C3orf49: variants seen among roughly 807,000 people sequenced by gnomAD.
C3orf49 encodes the protein putative uncharacterized protein C3orf49.
Under a neutral mutation model 13.3 loss-of-function variants are expected in C3orf49, and 27 were observed. That is an observed-to-expected ratio of 2.02 (90% CI 1.49 to 2.79). C3orf49 has a LOEUF of 2.79. Among genes scored for constraint, C3orf49 ranks in the 30% most tolerant of loss-of-function variants. The probability of loss-of-function intolerance (pLI) is 0.00; values close to 1 mark genes in which losing one functional copy is unlikely to be tolerated. For synonymous variants in C3orf49, 87 were observed against 47.6 expected, an observed-to-expected ratio of 1.83 and a Z score of -3.40; for missense variants, 242 against 134.2, an observed-to-expected ratio of 1.80 and a Z score of -3.97.
At chr3:63,793,277 T>G in the C3orf49 span, among the ~76,000 whole-genome samples, 1 of 152,272 alleles carries the variant, frequency 6.6e-6, no homozygotes, top group East Asian at 1.9e-4. Context: ...GACATATCCA[T>G]CATACCTCAC....
chr3:63,834,321 G>T, intron 5 of C3orf49: 1 of 876,578 alleles, frequency 1.1e-6, no homozygotes, highest in Non-Finnish European at 1.7e-6. Flanking sequence ...ATGGCTACTA[G>T]TTGAATCAAA....
chr3:63,825,934 T>G (rs549394132), intron 2 of C3orf49, among the ~76,000 whole-genome samples: 2 of 152,220 alleles, frequency 1.3e-5, no homozygotes, highest in African/African-American at 4.8e-5. Context: ...ACAACTAAAT[T>G]GAGATCTGAA....
chr3:63,828,286 G>T (rs1701491626), intron 3 of C3orf49, among the ~76,000 whole-genome samples: 1 of 152,138 alleles, frequency 6.6e-6, no homozygotes, highest in Admixed American at 6.5e-5. Flanking sequence ...CCATAGGTAT[G>T]CATGGGTTTT....
upstream of C3orf49, among the ~76,000 whole-genome samples, chr3:63,814,461 C>G (rs1306995636): frequency 6.6e-6 from 1 of 151,986 alleles, no homozygotes; most frequent in African/African-American, 2.4e-5. Context: ...CAATCAATTG[C>G]TATCTCAATA....
chr3:63,783,666 C>G, the C3orf49 span, among the ~76,000 whole-genome samples: 1 of 151,118 alleles, frequency 6.6e-6, no homozygotes, highest in African/African-American at 2.4e-5. Context: ...TGCAGTAGGC[C>G]GAGACTGTGC....
intron 2 of C3orf49, among the ~76,000 whole-genome samples, 197 bp downstream of exon 2, chr3:63,823,766 TTGTGTGTG>T (rs55765936): frequency 0.014 from 1,704 of 123,034 alleles, 30 homozygotes; most frequent in African/African-American, 0.035. Context: ...GTTCATACCG[TTGTGTGTG>T]TGTGTGTGTG....
the C3orf49 span, among the ~76,000 whole-genome samples, chr3:63,795,470 G>A: frequency 6.6e-6 from 1 of 152,056 alleles, no homozygotes; most frequent in Non-Finnish European, 1.5e-5. Flanking sequence ...TGTTCAAAAT[G>A]CCAAGAATCT....
chr3:63,794,267 C>G, the C3orf49 span, among the ~76,000 whole-genome samples: 2 of 152,134 alleles, frequency 1.3e-5, no homozygotes, highest in Admixed American at 6.5e-5. Flanking sequence ...TTCCCTTATA[C>G]CCCATCTTCC....
rs1355957158 is a variant in C3orf49 at position 63,823,275 on chromosome 3, T to C, written c.151T>C (p.Leu51=). 1.4e-6 allele frequency: 1 copy of C among 702,858 alleles called. No individual in the cohort carries two copies. Among genetic ancestry groups the C allele is most frequent in the South Asian group, 1.5e-5 (1 of 67,564 alleles). 43.5% of individuals were successfully genotyped at this position (702,858 alleles called of 1,614,324 possible). ...ATGGCATAGAGCTGTGTCTACCAAC[T>C]TACTAAAACAAAATGTATTGGTCCC... is the stretch of plus-strand genomic sequence containing the variant. ...ERWHRAVSTN[L]LKQNVLVPKE... Residue 51 remains leucine, a synonymous_variant, in exon 2 of 7, where the codon TTA becomes CTA. Transcript: ENST00000295896.
At chr3:63,830,985 A>ATTGT (rs10692305) in intron 3 of C3orf49, 125 bp from the exon 4 acceptor site, 102,131 of 609,352 alleles carry the variant, frequency 0.17, 9,018 homozygotes, top group Non-Finnish European at 0.19. Flanking sequence ...GCAATCCAAT[A>ATTGT]TTGTTATGTG....
the C3orf49 span, among the ~76,000 whole-genome samples, chr3:63,785,706 A>G: frequency 6.6e-6 from 1 of 152,176 alleles, no homozygotes; most frequent in Non-Finnish European, 1.5e-5. Flanking sequence ...ACCTACTTCC[A>G]CAGCAGGATG....
the C3orf49 span, among the ~76,000 whole-genome samples, chr3:63,789,741 G>A: frequency 6.7e-6 from 1 of 148,846 alleles, no homozygotes; most frequent in Non-Finnish European, 1.5e-5. Context: ...AACCCTGGGG[G>A]CAGAGGTTGC....
At chr3:63,785,220 C>T in the C3orf49 span, among the ~76,000 whole-genome samples, 5 of 151,614 alleles carry the variant, frequency 3.3e-5, no homozygotes, top group South Asian at 2.1e-4. Context: ...TACATGCGCC[C>T]GCCACCATGC....
intron 5 of C3orf49, 52 bp downstream of exon 5, chr3:63,831,896 A>C: frequency 4.4e-6 from 3 of 679,604 alleles, no homozygotes; most frequent in Non-Finnish European, 5.3e-6. Flanking sequence ...CTGATTCTTT[A>C]AAAGTTATCT....
At chr3:63,839,567 T>C in intron 5 of C3orf49, 7 of 1,074,602 alleles carry the variant, frequency 6.5e-6, no homozygotes, top group South Asian at 1.3e-5. Flanking sequence ...TTAAGGTGAG[T>C]GAAAATTTGA....
intron 5 of C3orf49, chr3:63,836,167 G>A: frequency 1.3e-6 from 1 of 754,084 alleles, no homozygotes; most frequent in Non-Finnish European, 2.0e-6. Context: ...GAGAAGTATG[G>A]GAAAATATAA....
intron 5 of C3orf49, among the ~76,000 whole-genome samples, chr3:63,836,825 A>G (rs1226914238): frequency 1.3e-5 from 2 of 152,142 alleles, no homozygotes; most frequent in Admixed American, 1.3e-4. Context: ...CAAATAACTT[A>G]AAATTCAGGT....
At chr3:63,846,920 G>A (rs942003239) in intron 6 of C3orf49, among the ~76,000 whole-genome samples, 1 of 152,246 alleles carries the variant, frequency 6.6e-6, no homozygotes, top group Non-Finnish European at 1.5e-5. Context: ...CATTCCCCAA[G>A]TATTTCAGCT....
At chr3:63,833,035 T>G (rs1701553987) in intron 5 of C3orf49, among the ~76,000 whole-genome samples, 1 of 152,068 alleles carries the variant, frequency 6.6e-6, no homozygotes, top group African/African-American at 2.4e-5. Flanking sequence ...TTAAGAAAAT[T>G]ACAAGTGATT....
Sources: gnomAD v4.1 joint callset for allele counts (sites outside exome capture counted in the v4.1 genomes callset) on GRCh38, gnomAD v4.1.1 for gene constraint, MANE v1.5 for transcripts, NCBI Gene and HGNC (gene_info 2026-07-23, HGNC 2026-07-21) for gene names.